CDH22: variants seen among roughly 807,000 people sequenced by gnomAD.
CDH22 encodes the protein cadherin 22, also known as cadherin-22.
Under a neutral mutation model 58.4 loss-of-function variants are expected in CDH22, and 30 were observed. That is an observed-to-expected ratio of 0.51 (90% CI 0.38 to 0.70). The LOEUF is 0.70. Ranked by LOEUF, CDH22 falls within the 30% of genes least tolerant of loss-of-function variation. CDH22 has a pLI of 0.00. For synonymous variants in CDH22, 513 were observed against 558.2 expected (o/e 0.92, Z 1.14); for missense variants, 1,014 against 1,233.9 (o/e 0.82, Z 2.67).
chr20:46,303,794 G>A (rs35841008), intron 1 of CDH22, among the ~76,000 whole-genome samples: 10 of 152,110 alleles, frequency 6.6e-5, no homozygotes, highest in South Asian at 2.1e-4. Flanking sequence ...TCATAGTGCC[G>A]AGTCTGGACT....
At chr20:46,264,085 C>A (rs1425267892) in intron 1 of CDH22, among the ~76,000 whole-genome samples, 1 of 152,136 alleles carries the variant, frequency 6.6e-6, no homozygotes, top group African/African-American at 2.4e-5. Context: ...AAGAGTGACT[C>A]CCCGGATTTT....
At chr20:46,203,129 C>A (rs2085974061) in intron 7 of CDH22, among the ~76,000 whole-genome samples, 1 of 152,092 alleles carries the variant, frequency 6.6e-6, no homozygotes, top group African/African-American at 2.4e-5. Context: ...GCAGCTGTTC[C>A]TAAGGCCATA....
chr20:46,301,609 G>A (rs894486298), intron 1 of CDH22, among the ~76,000 whole-genome samples: 6 of 151,910 alleles, frequency 3.9e-5, no homozygotes, highest in African/African-American at 9.7e-5. Context: ...TCAGGAGCTC[G>A]AGACCAGCCT....
chr20:46,201,109 A>G (rs1199436662), intron 7 of CDH22, among the ~76,000 whole-genome samples: 2 of 152,210 alleles, frequency 1.3e-5, no homozygotes, highest in Non-Finnish European at 2.9e-5. Context: ...AGGCCTCGCC[A>G]GCTCCGGCCT....
At chr20:46,306,174 C>T (rs1339540683) in intron 1 of CDH22, among the ~76,000 whole-genome samples, 1 of 152,284 alleles carries the variant, frequency 6.6e-6, no homozygotes, top group Non-Finnish European at 1.5e-5. Context: ...GAGCAAGTGT[C>T]TTCTTGTCCT....
intron 1 of CDH22, among the ~76,000 whole-genome samples, chr20:46,303,546 G>C (rs1478181274): frequency 6.6e-6 from 1 of 152,096 alleles, no homozygotes; most frequent in Non-Finnish European, 1.5e-5. Context: ...ATATGTAAAT[G>C]CTTTATATGT....
At chr20:46,195,900 T>C (rs1278599033) in intron 8 of CDH22, among the ~76,000 whole-genome samples, 2 of 152,156 alleles carry the variant, frequency 1.3e-5, no homozygotes, top group Non-Finnish European at 2.9e-5. Context: ...TCCGAGGTGC[T>C]CACCAAGCGC....
rs1186528408 is a variant in CDH22 at position 46,212,998 on chromosome 20, C to T, written c.1029G>A (p.Gln343=). The change falls in exon 6 of 12, where the codon CAG becomes CAA. Residue 343 remains glutamine (Q), a synonymous_variant. Coordinates refer to ENST00000537909, the MANE Select transcript of CDH22 (RefSeq NM_021248.3). ...ATTCCTCCTGAGGCAGCTGCACCTT[C>T]TGCACTACGATGATGGCCTCCTGAG... ...SDTQEAIIVV[Q]KRLDFESQPV... 1.2e-6 allele frequency: 2 copies of T among 1,613,974 alleles called. No individual in the cohort carries two copies. The highest frequency in any genetic ancestry group is 1.7e-6 in the Non-Finnish European group (2 of 1,179,872).
rs2086185977 is a variant in CDH22 at position 46,227,530 on chromosome 20, GT to G, written c.647del (p.His216ProfsTer10). The part of the protein sequence containing the change: ...LVYSVLDGEH[H>X]FTVDPKTGVI... ...CACCGGTCTTGGGGTCCACGGTGAA[GT>G]GGTGCTCGCCGTCCAGCACGCTGTA... On this transcript the variant is annotated frameshift_variant, in exon 4 of 12. Transcript: ENST00000537909. LOFTEE classifies it high-confidence loss of function. 6.3e-7 allele frequency: 1 copy of G among 1,598,824 alleles called. No homozygotes were observed. The highest frequency in any genetic ancestry group is 8.5e-7 in the Non-Finnish European group (1 of 1,172,538).
chr20:46,280,426 C>T (rs2086545131), intron 1 of CDH22, among the ~76,000 whole-genome samples: 1 of 152,096 alleles, frequency 6.6e-6, no homozygotes, highest in Admixed American at 6.5e-5. Context: ...AGGACAATAA[C>T]AACAACAACA....
chr20:46,297,338 CA>C (rs2086633228), intron 1 of CDH22, among the ~76,000 whole-genome samples: 1 of 151,736 alleles, frequency 6.6e-6, no homozygotes, highest in African/African-American at 2.4e-5. Context: ...CTGGAAGGGG[CA>C]GGCATTCCAG....
intron 1 of CDH22, among the ~76,000 whole-genome samples, chr20:46,257,331 G>A (rs1393182877): frequency 6.6e-6 from 1 of 152,022 alleles, no homozygotes; most frequent in Non-Finnish European, 1.5e-5. Context: ...GCTGGCTATT[G>A]TGTTAAGATA....
intron 1 of CDH22, among the ~76,000 whole-genome samples, chr20:46,294,222 C>A (rs2086618859): frequency 6.6e-6 from 1 of 152,202 alleles, no homozygotes; most frequent in Non-Finnish European, 1.5e-5. Context: ...TCAGCTGCGT[C>A]CTTCCTGTGG....
chr20:46,237,404 C>T (rs1291051525), intron 3 of CDH22, among the ~76,000 whole-genome samples: 1 of 152,144 alleles, frequency 6.6e-6, no homozygotes, highest in African/African-American at 2.4e-5. Flanking sequence ...TGCGTCCCTG[C>T]TCCCTCTGAT....
rs1555809072 is a variant in CDH22, at chr20:46,308,017, G to A, written c.-400+238C>T. Among the ~76,000 whole-genome samples the A allele has an allele frequency of 6.6e-6, 1 of 151,716 alleles. No individual in the cohort carries two copies. The highest frequency in any genetic ancestry group is 1.5e-5 in the Non-Finnish European group (1 of 67,826). ...AGCTGCGGGCTTCGGGCCGAGAGGC[G>A]GCTCGGCTCCGCGCCGGGGAAAGTT... On this transcript the variant is annotated intron_variant, in intron 1 of 11. Coordinates refer to ENST00000537909, the MANE Select transcript of CDH22 (RefSeq NM_021248.3). The surrounding 1 kb of genome is among the most constrained non-coding windows in gnomAD (Gnocchi z 4.3).
At chr20:46,260,320 T>C (rs2086427129) in intron 1 of CDH22, among the ~76,000 whole-genome samples, 1 of 152,202 alleles carries the variant, frequency 6.6e-6, no homozygotes, top group Non-Finnish European at 1.5e-5. Flanking sequence ...TCCTTGGAGA[T>C]GTTGTGGAAC....
chr20:46,251,203 G>A lies in CDH22; in HGVS notation c.92C>T (p.Thr31Met). 6.8e-7 allele frequency: 1 copy of A among 1,469,560 alleles called. No individual in the cohort carries two copies. The allele number at this position is 1,469,560 out of a possible 1,614,324, so 91.0% of individuals were successfully genotyped here. A position where few individuals can be genotyped will look rare whatever the true frequency, so the allele number is the denominator to read the frequency against. Residue 31 changes from threonine to methionine, a missense_variant, in exon 2 of 12, where the codon ACG becomes ATG. This residue lies in a region of CDH22 where 806 missense variants were observed against 1,038.7 expected (regional missense o/e 0.78). Transcript: ENST00000537909. This position sits in a 1 kb window ranked among gnomAD's most constrained non-coding sequence, Gnocchi z 6.7. Reference sequence around the variant, plus strand: ...CGCTGCCCACAGGCGCCCCAGCAGCGTCGGCGGCGGCGGCAGCAGCAGCAG... The same window carrying A: ...CGCTGCCCACAGGCGCCCCAGCAGCATCGGCGGCGGCGGCAGCAGCAGCAG... ...LLLLLLPPPP[T>M]LLGRLWAAGT...
rs532037623 is a variant in CDH22 at position 46,212,142 on chromosome 20, G to A, written c.1032+853C>T. Reference sequence around the variant, plus strand: ...ATTATGTGCTTGCTGAGCAAAAGAAGGACTGTTGAGGGCAGATGTTGGAAG... The same window carrying A: ...ATTATGTGCTTGCTGAGCAAAAGAAAGACTGTTGAGGGCAGATGTTGGAAG... On this transcript the variant is annotated intron_variant, in intron 6 of 11. Transcript: ENST00000537909. Among the ~76,000 whole-genome samples the A allele has an allele frequency of 7.6e-4, 116 of 152,318 alleles. 1 individual carries two copies. In the South Asian group the frequency reaches 0.023, roughly 30 times the overall value.
intron 7 of CDH22, among the ~76,000 whole-genome samples, chr20:46,201,477 C>T (rs1398493512): frequency 6.6e-6 from 1 of 152,186 alleles, no homozygotes; most frequent in Non-Finnish European, 1.5e-5. Context: ...GCAGTCAGAG[C>T]TGGGTTTGAA....
Sources: gnomAD v4.1 joint callset for allele counts (sites outside exome capture counted in the v4.1 genomes callset) on GRCh38, gnomAD v4.1.1 for gene constraint, gnomAD v4.1.1 regional missense constraint, Gnocchi (gnomAD v3.1) non-coding constraint, MANE v1.5 for transcripts, NCBI Gene and HGNC (gene_info 2026-07-23, HGNC 2026-07-21) for gene names.